VPS41: variants seen among roughly 807,000 people sequenced by gnomAD.
VPS41 encodes VPS41 subunit of HOPS complex, also known as vacuolar protein sorting-associated protein 41 homolog.
VPS41 carries 85 observed loss-of-function variants against 130.9 expected under a neutral mutation model. The ratio of observed to expected loss-of-function variants is 0.65; its 90% CI spans 0.55 to 0.78. The LOEUF (loss-of-function observed/expected upper bound fraction) is 0.78. Ranked by LOEUF, VPS41 falls within the 30% of genes least tolerant of loss-of-function variation. The pLI is 0.00. For synonymous variants in VPS41, 335 were observed against 332.9 expected (o/e 1.01, Z -0.07); for missense variants, 874 against 1,018.7 (o/e 0.86, Z 1.93).
intron 7 of VPS41, among the ~76,000 whole-genome samples, chr7:38,797,475 A>T (rs1784643950): frequency 6.6e-6 from 1 of 152,236 alleles, no homozygotes; most frequent in Non-Finnish European, 1.5e-5. Context: ...TTAATATAAA[A>T]TATAACTGGT....
At chr7:38,797,174 A>G (rs1784637924) in intron 7 of VPS41, 1 of 202,608 alleles carries the variant, frequency 4.9e-6, no homozygotes. Context: ...TTTGTATCGC[A>G]AAAGTTCTTC....
chr7:38,823,705 T>C (rs1785218104), intron 5 of VPS41, among the ~76,000 whole-genome samples: 1 of 152,192 alleles, frequency 6.6e-6, no homozygotes, highest in African/African-American at 2.4e-5. Flanking sequence ...ACTGTTTTTA[T>C]ATACTTGTGC....
chr7:38,743,321 T>A (rs2115644899), intron 24 of VPS41, 81 bp downstream of exon 24: 1 of 1,528,890 alleles, frequency 6.5e-7, no homozygotes, highest in East Asian at 2.3e-5. Flanking sequence ...CCAATGTATC[T>A]TGAAATAGTT....
intron 5 of VPS41, among the ~76,000 whole-genome samples, chr7:38,825,142 A>G (rs562338972): frequency 2.6e-5 from 4 of 152,350 alleles, no homozygotes; most frequent in Admixed American, 2.6e-4. Context: ...TCACTGTCAT[A>G]CCCACAGTAG....
At chr7:38,740,941 C>T (rs1411976814) in intron 25 of VPS41, among the ~76,000 whole-genome samples, 1 of 152,192 alleles carries the variant, frequency 6.6e-6, no homozygotes, top group Non-Finnish European at 1.5e-5. Flanking sequence ...GACTCCGCTT[C>T]AGAAACATTA....
chr7:38,878,275 C>G (rs781043938), intron 2 of VPS41, among the ~76,000 whole-genome samples: 6 of 151,838 alleles, frequency 4.0e-5, no homozygotes, highest in Admixed American at 3.9e-4. Flanking sequence ...ATGAGACACA[C>G]AAAAAAACAG....
intron 10 of VPS41, among the ~76,000 whole-genome samples, chr7:38,789,025 AT>A (rs1311085972): frequency 6.6e-6 from 1 of 152,034 alleles, no homozygotes; most frequent in Non-Finnish European, 1.5e-5. Context: ...TAATATGGCA[AT>A]TTTTTTTCTC....
chr7:38,754,773 T>G (rs1276190228), intron 20 of VPS41, 21 bp from the exon 21 acceptor site: 2 of 1,609,910 alleles, frequency 1.2e-6, no homozygotes, highest in East Asian at 4.5e-5. Flanking sequence ...AAGAAAAGTT[T>G]CAAGGTGGAG....
chr7:38,832,411 C>T (rs62444140), intron 4 of VPS41, among the ~76,000 whole-genome samples: 31,921 of 150,498 alleles, frequency 0.21, 4,347 homozygotes, highest in Non-Finnish European at 0.31. Context: ...CCTCGCCTCC[C>T]GGGTTCAAGT....
At chr7:38,895,697 C>T (rs557983162) in intron 2 of VPS41, among the ~76,000 whole-genome samples, 1 of 152,238 alleles carries the variant, frequency 6.6e-6, no homozygotes, top group East Asian at 1.9e-4. Flanking sequence ...CCCTTAATTT[C>T]CTCTGCTTTG....
At chr7:38,902,729 T>C (rs929040004) in intron 1 of VPS41, among the ~76,000 whole-genome samples, 5 of 152,298 alleles carry the variant, frequency 3.3e-5, no homozygotes, top group Middle Eastern at 3.4e-3. Context: ...GGCCCCATCC[T>C]GCACTCATCC....
At chr7:38,809,166 T>C (rs575796039) in intron 7 of VPS41, among the ~76,000 whole-genome samples, 19 of 151,964 alleles carry the variant, frequency 1.3e-4, no homozygotes, top group African/African-American at 3.4e-4. Flanking sequence ...TTGGTATATA[T>C]CAAATCATCA....
intron 22 of VPS41, among the ~76,000 whole-genome samples, chr7:38,749,441 A>G (rs969567417): frequency 2.6e-5 from 4 of 152,204 alleles, no homozygotes; most frequent in African/African-American, 9.6e-5. Context: ...GTTCTGCCAG[A>G]GGTAAATTAT....
intron 22 of VPS41, among the ~76,000 whole-genome samples, chr7:38,749,940 G>C (rs925088860): frequency 2.6e-5 from 4 of 152,180 alleles, no homozygotes. Flanking sequence ...ATAGCTTACT[G>C]TAACCTCAAA....
At chr7:38,838,093 G>A (rs1785532836) in intron 4 of VPS41, among the ~76,000 whole-genome samples, 1 of 152,020 alleles carries the variant, frequency 6.6e-6, no homozygotes, top group Admixed American at 6.6e-5. Context: ...ATAAACAAGA[G>A]GATTTCAATA....
intron 3 of VPS41, among the ~76,000 whole-genome samples, chr7:38,864,012 T>C (rs1385768198): frequency 6.6e-6 from 1 of 152,176 alleles, no homozygotes; most frequent in Non-Finnish European, 1.5e-5. Flanking sequence ...ACACTGACAA[T>C]ATTTAAATAG....
chr7:38,890,896 A>T (rs1786849534), intron 2 of VPS41, among the ~76,000 whole-genome samples: 1 of 152,000 alleles, frequency 6.6e-6, no homozygotes. Context: ...GTGTTGCCCC[A>T]GCTGGTCTCA....
chr7:38,776,389 T>C (rs1294050971), intron 11 of VPS41, among the ~76,000 whole-genome samples: 1 of 152,206 alleles, frequency 6.6e-6, no homozygotes, highest in Admixed American at 6.5e-5. Flanking sequence ...CAGCTTAGTT[T>C]CTTCCCCTTT....
Position 38,756,925 on chromosome 7 carries a change from A to G in VPS41, c.1608T>C (p.His536=). 6.9e-6 allele frequency: 11 copies of G among 1,598,638 alleles called. No individual in the cohort carries two copies. The highest frequency in any genetic ancestry group is 8.6e-6 in the Non-Finnish European group (10 of 1,166,794). ...TGTGGATCAACTGAAAAACGTCTTTATGTCTTAATGTTAAGTATATTTCCA... is the reference window on the plus strand; with the variant it reads ...TGTGGATCAACTGAAAAACGTCTTTGTGTCTTAATGTTAAGTATATTTCCA... ...NALEIYLTLR[H]KDVFQLIHKH... The change falls in exon 19 of 29, where the codon CAT becomes CAC. Residue 536 remains histidine, a synonymous_variant. Coordinates refer to ENST00000310301, the MANE Select transcript of VPS41 (RefSeq NM_014396.4).
Sources: gnomAD v4.1 joint callset for allele counts (sites outside exome capture counted in the v4.1 genomes callset) on GRCh38, gnomAD v4.1.1 for gene constraint, MANE v1.5 for transcripts, NCBI Gene and HGNC (gene_info 2026-07-23, HGNC 2026-07-21) for gene names.